Variants in PDE4D observed in about 807,000 individuals in gnomAD.
The protein encoded by PDE4D is phosphodiesterase 4D, also known as 3',5'-cyclic-AMP phosphodiesterase 4D.
Under a neutral mutation model 87.4 loss-of-function variants are expected in PDE4D, and 24 were observed. The observed-to-expected ratio is 0.27, with a 90% CI of 0.20 to 0.39. The LOEUF is 0.39. Ranked by LOEUF, PDE4D falls within the 10% of genes least tolerant of loss-of-function variation. The pLI is 1.00. For missense variants in PDE4D, 714 were observed against 1,041.0 expected (o/e 0.69, Z 4.32); for synonymous variants, 384 against 383.2 (o/e 1.00, Z -0.02).
chr5:59,512,998 A>G lies in PDE4D; in HGVS notation c.456-297030T>C, dbSNP rs142017697. On this transcript the variant is annotated intron_variant, in intron 1 of 14. Transcript: ENST00000340635. ...TCCCATTAATGTAGAAGCACATTAC[A>G]TATCGTTTTCAAAGTCTAAATGTGT... Among the ~76,000 whole-genome samples the G allele has an allele frequency of 2.6e-3, 395 of 152,294 alleles. 9 individuals are homozygous for G. The highest frequency in any genetic ancestry group is 9.0e-3 in the African/African-American group (376 of 41,588).
intron 3 of PDE4D, among the ~76,000 whole-genome samples, chr5:59,982,739 T>G (rs1762051227): frequency 6.6e-6 from 1 of 152,194 alleles, no homozygotes; most frequent in Non-Finnish European, 1.5e-5. Flanking sequence ...CCATAATAAC[T>G]GTAACTTTCT....
At chr5:60,330,392 A>G (rs1757215802) in intron 1 of PDE4D, among the ~76,000 whole-genome samples, 1 of 152,362 alleles carries the variant, frequency 6.6e-6, no homozygotes, top group South Asian at 2.1e-4. Flanking sequence ...AAATGGGAGC[A>G]CATGGGGAAA....
chr5:59,121,761 T>C (rs1465052893), intron 5 of PDE4D, among the ~76,000 whole-genome samples: 1 of 152,152 alleles, frequency 6.6e-6, no homozygotes, highest in Non-Finnish European at 1.5e-5. Flanking sequence ...AAGAGATACC[T>C]ACATCCCCAA....
intron 1 of PDE4D, among the ~76,000 whole-genome samples, chr5:60,329,326 C>T (rs1051625435): frequency 5.3e-5 from 8 of 152,098 alleles, no homozygotes; most frequent in Admixed American, 3.3e-4. Flanking sequence ...AGGGCACTTC[C>T]CCTGCTTCGC....
intron 2 of PDE4D, among the ~76,000 whole-genome samples, chr5:60,107,627 G>A (rs961212197): frequency 2.0e-5 from 3 of 152,250 alleles, no homozygotes; most frequent in South Asian, 4.1e-4. Context: ...CTGGCAAACT[G>A]AATCCAGCAG....
In PDE4D at chr5:59,219,875, G is replaced by T. The variant is rs147225618; in HGVS notation, c.456-3907C>A. Among the ~76,000 whole-genome samples, 537 of 152,230 alleles carry T rather than the reference G, an allele frequency of 3.5e-3. 2 individuals are homozygous for T. Among genetic ancestry groups the T allele is most frequent in the African/African-American group, 0.012 (509 of 41,546 alleles). On this transcript the variant is annotated intron_variant, in intron 1 of 14. Transcript: ENST00000340635. ...CCAGCCAGAGTAGAGCTGGGGTTGG[G>T]GGTGGAGGCCATCCAGCAAAAGTGA...
At chr5:59,004,507 A>G (rs10223103) in intron 6 of PDE4D, among the ~76,000 whole-genome samples, 31,135 of 152,172 alleles carry the variant, frequency 0.2, 3,649 homozygotes, top group East Asian at 0.55. Context: ...TATGTTAGAA[A>G]AATTTTCCTT....
intron 1 of PDE4D, among the ~76,000 whole-genome samples, chr5:59,690,449 A>G (rs1184821326): frequency 6.6e-6 from 1 of 152,200 alleles, no homozygotes; most frequent in Non-Finnish European, 1.5e-5. Context: ...GACAAACCTG[A>G]CAACAATAAG....
At chr5:59,677,924 T>C (rs1484831223) in intron 1 of PDE4D, among the ~76,000 whole-genome samples, 1 of 152,196 alleles carries the variant, frequency 6.6e-6, no homozygotes, top group Non-Finnish European at 1.5e-5. Context: ...ATCTCCTCCA[T>C]TAAATTTTTA....
chr5:59,858,589 G>A (rs1218783965), intron 1 of PDE4D, among the ~76,000 whole-genome samples: 1 of 152,090 alleles, frequency 6.6e-6, no homozygotes, highest in Non-Finnish European at 1.5e-5. Flanking sequence ...AGATGAGAGA[G>A]AATGTGGAAT....
intron 1 of PDE4D, among the ~76,000 whole-genome samples, chr5:59,845,641 G>A (rs1442162608): frequency 6.6e-6 from 1 of 152,036 alleles, no homozygotes; most frequent in Non-Finnish European, 1.5e-5. Flanking sequence ...TTACCATAAT[G>A]TGTAACATTT....
At chr5:59,275,256 A>G in intron 1 of PDE4D, 1 of 1,107,700 alleles carries the variant, frequency 9.0e-7, no homozygotes, top group Non-Finnish European at 1.3e-6. Flanking sequence ...AAGCCTCGAC[A>G]TCACACAACT....
chr5:60,259,475 T>C (rs1295916402), intron 1 of PDE4D, among the ~76,000 whole-genome samples: 1 of 152,078 alleles, frequency 6.6e-6, no homozygotes, highest in Non-Finnish European at 1.5e-5. Context: ...AAGAACCACC[T>C]GCAAAGCTGT....
At chr5:59,771,769 T>C (rs1763612375) in intron 1 of PDE4D, among the ~76,000 whole-genome samples, 1 of 152,212 alleles carries the variant, frequency 6.6e-6, no homozygotes, top group South Asian at 2.1e-4. Context: ...ATAACAATAT[T>C]CTATTCAAAA....
At chr5:59,041,736 C>G (rs920929234) in intron 5 of PDE4D, among the ~76,000 whole-genome samples, 8 of 152,166 alleles carry the variant, frequency 5.3e-5, no homozygotes, top group Non-Finnish European at 8.8e-5. Context: ...GTAAACTGCC[C>G]CCTTCCTCCA....
intron 1 of PDE4D, among the ~76,000 whole-genome samples, chr5:59,750,334 C>T (rs182302557): frequency 6.6e-6 from 1 of 152,060 alleles, no homozygotes; most frequent in South Asian, 2.1e-4. Context: ...CAAGGAATGA[C>T]CCAAGTCTTT....
chr5:59,360,158 G>A (rs1781984673), intron 1 of PDE4D, among the ~76,000 whole-genome samples: 1 of 152,148 alleles, frequency 6.6e-6, no homozygotes, highest in African/African-American at 2.4e-5. Flanking sequence ...GAATAAAAAT[G>A]AAACTCCCAA....
At chr5:60,353,407 A>G (rs1483901697) in intron 1 of PDE4D, among the ~76,000 whole-genome samples, 3 of 152,206 alleles carry the variant, frequency 2.0e-5, no homozygotes, top group Admixed American at 6.5e-5. Context: ...CTGCTAGCAA[A>G]TGGGCCCTGG....
intron 1 of PDE4D, among the ~76,000 whole-genome samples, chr5:60,257,190 G>A (rs1749146935): frequency 8.0e-6 from 1 of 125,084 alleles, no homozygotes; most frequent in Non-Finnish European, 1.7e-5. Context: ...GAAAGAAAAA[G>A]AAAGAAAGAA....
Sources: allele counts gnomAD v4.1 joint callset (sites outside exome capture counted in the v4.1 genomes callset), GRCh38; gene constraint gnomAD v4.1.1; transcripts MANE v1.5; gene names NCBI Gene and HGNC (gene_info 2026-07-23, HGNC 2026-07-21).